The following FRS2 variants were observed in gnomAD, a reference collection of about 807,000 sequenced individuals.
The protein encoded by FRS2 is FGFR signalling adaptor.
Under a neutral mutation model 43.9 loss-of-function variants are expected in FRS2, and 8 were observed. The observed-to-expected ratio is 0.18, with a 90% CI of 0.11 to 0.33. The LOEUF (loss-of-function observed/expected upper bound fraction) is 0.33, where lower values mean the gene tolerates loss of function less well. Among genes scored for constraint, FRS2 ranks in the 10% least tolerant of loss-of-function variants. FRS2 has a pLI of 1.00. For missense variants in FRS2, 534 were observed against 627.6 expected (o/e 0.85, Z 1.59); for synonymous variants, 219 against 220.3 (o/e 0.99, Z 0.05).
chr12:69,520,389 T>C (rs1351662255), intron 1 of FRS2, among the ~76,000 whole-genome samples: 2 of 151,132 alleles, frequency 1.3e-5, no homozygotes, highest in East Asian at 3.9e-4. Context: ...TTTTTTTTTT[T>C]TTTTTTGCTG....
At chr12:69,471,721 GT>G in intron 1 of FRS2, among the ~76,000 whole-genome samples, 1 of 152,360 alleles carries the variant, frequency 6.6e-6, no homozygotes, top group South Asian at 2.1e-4. Context: ...AGGGAATGCA[GT>G]TACTGCAGAT....
intron 3 of FRS2, among the ~76,000 whole-genome samples, chr12:69,540,059 C>T (rs1877735995): frequency 6.6e-6 from 1 of 151,974 alleles, no homozygotes; most frequent in Admixed American, 6.6e-5. Flanking sequence ...TGAGACCATC[C>T]TGGCTAACAC....
intron 1 of FRS2, among the ~76,000 whole-genome samples, chr12:69,490,494 T>C (rs1277683949): frequency 2.6e-5 from 4 of 151,940 alleles, no homozygotes; most frequent in Admixed American, 2.6e-4. Flanking sequence ...TCTTCTCTTG[T>C]TTTTAACTGC....
chr12:69,470,821 C>A (rs969107592), intron 1 of FRS2, among the ~76,000 whole-genome samples: 2 of 152,172 alleles, frequency 1.3e-5, no homozygotes, highest in African/African-American at 4.8e-5. Context: ...TCCGACCCCC[C>A]TCATGTGTGC....
intron 1 of FRS2, among the ~76,000 whole-genome samples, chr12:69,479,390 C>CTTTTTTTTTTTTTTTTTTTTTTTTTTT (rs57688271): frequency 8.4e-6 from 1 of 119,698 alleles, no homozygotes. Context: ...TCTGTTGTTT[C>CTTTTTTTTTTTTTTTTTTTTTTTTTTT]TTTTTTTTTT....
chr12:69,485,886 G>A (rs1210530281), intron 1 of FRS2, among the ~76,000 whole-genome samples: 2 of 152,134 alleles, frequency 1.3e-5, no homozygotes, highest in African/African-American at 4.8e-5. Context: ...GATCCTCTAT[G>A]TGATATATTG....
In FRS2 at chr12:69,574,419, T is replaced by G; in HGVS notation, c.991T>G (p.Ser331Ala). 6.2e-7 allele frequency: 1 copy of G among 1,613,994 alleles called. No homozygotes were observed. Among genetic ancestry groups the G allele is most frequent in the Non-Finnish European group, 8.5e-7 (1 of 1,179,894 alleles). ...AGGTCGTCTGACATCCACCAGTACC[T>G]CAGATACCCAGAATATCAACAACTC... ...RRGRLTSTST[S>A]DTQNINNSAQ... The change falls in exon 9 of 9, where the codon TCA becomes GCA. Residue 331 changes from serine to alanine, a missense_variant. Physicochemically the swap from Ser to Ala is moderately conservative, Grantham distance 99. Around this residue, in one of 3 missense-constraint regions of FRS2, gnomAD observed 446 missense variants for 494.2 expected, o/e 0.90. Transcript: ENST00000549921.
chr12:69,536,579 A>ATTTTTTT (rs5798939), intron 3 of FRS2, among the ~76,000 whole-genome samples: 1 of 134,260 alleles, frequency 7.4e-6, no homozygotes. Context: ...TTTTTTTTTA[A>ATTTTTTT]TTTTTTTTTT....
chr12:69,540,335 CAAA>C (rs372869960), intron 3 of FRS2, among the ~76,000 whole-genome samples: 1 of 142,722 alleles, frequency 7.0e-6, no homozygotes, highest in African/African-American at 2.6e-5. Flanking sequence ...CTTGTAGTGC[CAAA>C]AAAAAAAAGT....
At chr12:69,567,662 T>A (rs1039955920) in intron 4 of FRS2, among the ~76,000 whole-genome samples, 3 of 152,186 alleles carry the variant, frequency 2.0e-5, no homozygotes, top group Non-Finnish European at 4.4e-5. Flanking sequence ...ATAGTATAAC[T>A]TGCCTAGTTG....
rs546529241 is a variant in FRS2, at chr12:69,516,065, A to G, written c.-260-14800A>G. Among the ~76,000 whole-genome samples, 675 of 152,122 alleles carry G rather than the reference A, an allele frequency of 4.4e-3. 2 individuals carry two copies. The highest frequency in any genetic ancestry group is 6.8e-3 in the South Asian group (33 of 4,822). On this transcript the variant is annotated intron_variant, in intron 1 of 8. Coordinates refer to ENST00000549921, the MANE Select transcript of FRS2 (RefSeq NM_001278356.2). The stretch of plus-strand genomic sequence containing the variant: ...TTTATTCGTAAACCACCTCTCGTTA[A>G]TTATTACTTTAGTACAAGTCTGTCC...
chr12:69,474,164 G>A (rs921467980), intron 1 of FRS2, among the ~76,000 whole-genome samples: 3 of 152,100 alleles, frequency 2.0e-5, no homozygotes, highest in African/African-American at 7.2e-5. Flanking sequence ...TTTAAGTGTC[G>A]GAGATGTTGA....
At chr12:69,496,427 A>T (rs1872904824) in intron 1 of FRS2, among the ~76,000 whole-genome samples, 1 of 151,730 alleles carries the variant, frequency 6.6e-6, no homozygotes, top group African/African-American at 2.4e-5. Context: ...ACAGAGTGAG[A>T]CTCCATCTCA....
intron 1 of FRS2, among the ~76,000 whole-genome samples, chr12:69,485,393 A>C (rs1730278736): frequency 6.6e-6 from 1 of 152,064 alleles, no homozygotes; most frequent in Non-Finnish European, 1.5e-5. Context: ...CGTGTTAGCC[A>C]GGATGGTCTC....
intron 4 of FRS2, among the ~76,000 whole-genome samples, chr12:69,568,623 G>A (rs1024399360): frequency 6.6e-6 from 1 of 151,610 alleles, no homozygotes; most frequent in Admixed American, 6.6e-5. Flanking sequence ...CTTTAAAGAA[G>A]GACATGAAAT....
chr12:69,503,237 C>G (rs1296677678), intron 1 of FRS2, among the ~76,000 whole-genome samples: 2 of 152,168 alleles, frequency 1.3e-5, no homozygotes, highest in East Asian at 3.9e-4. Context: ...TGCCATATGC[C>G]CCCCCTCCAT....
chr12:69,497,250 G>C (rs1053619374), intron 1 of FRS2, among the ~76,000 whole-genome samples: 1 of 152,226 alleles, frequency 6.6e-6, no homozygotes, highest in African/African-American at 2.4e-5. Context: ...TGGTGAAAGG[G>C]TTGGAATGTG....
At chr12:69,526,932 C>A (rs1037578841) in intron 1 of FRS2, among the ~76,000 whole-genome samples, 3 of 152,106 alleles carry the variant, frequency 2.0e-5, no homozygotes, top group Non-Finnish European at 4.4e-5. Context: ...ACCATGTTAT[C>A]CAGGATGGTC....
At chr12:69,571,677 C>T (rs1880771140) in intron 7 of FRS2, among the ~76,000 whole-genome samples, 1 of 152,018 alleles carries the variant, frequency 6.6e-6, no homozygotes, top group South Asian at 2.1e-4. Context: ...TTGGCTAACA[C>T]TGTGAACCTC....
Sources: allele counts gnomAD v4.1 joint callset (sites outside exome capture counted in the v4.1 genomes callset), GRCh38; gene constraint gnomAD v4.1.1; regional missense constraint gnomAD v4.1.1; transcripts MANE v1.5; gene names NCBI Gene and HGNC (gene_info 2026-07-23, HGNC 2026-07-21).